Variants in NRXN1 observed in about 807,000 individuals in gnomAD.
The protein encoded by NRXN1 is neurexin-1.
In NRXN1, 39 loss-of-function variants were observed where a neutral mutation model predicts 150.9. That is an observed-to-expected ratio of 0.26 (90% CI 0.20 to 0.34). The LOEUF (loss-of-function observed/expected upper bound fraction) is 0.34. Among genes scored for constraint, NRXN1 ranks in the 10% least tolerant of loss-of-function variants. The probability of loss-of-function intolerance (pLI) is 1.00; values close to 1 mark genes in which losing one functional copy is unlikely to be tolerated. For missense variants in NRXN1, 1,815 were observed against 1,949.9 expected, an observed-to-expected ratio of 0.93 and a Z score of 1.30; for synonymous variants, 924 against 757.0, an observed-to-expected ratio of 1.22 and a Z score of -3.62.
chr2:49,971,389 T>G (rs919707914), intron 21 of NRXN1, among the ~76,000 whole-genome samples: 3 of 152,184 alleles, frequency 2.0e-5, no homozygotes, highest in Admixed American at 2.0e-4. Flanking sequence ...TATGTAAGTA[T>G]TTCCCTAGTT....
At chr2:50,818,209 T>C (rs567285246) in intron 5 of NRXN1, among the ~76,000 whole-genome samples, 1 of 150,914 alleles carries the variant, frequency 6.6e-6, no homozygotes, top group South Asian at 2.1e-4. Context: ...TTTTTATTCC[T>C]GAAAAAAAGA....
intron 12 of NRXN1, among the ~76,000 whole-genome samples, chr2:50,511,386 C>T (rs1029725884): frequency 2.0e-5 from 3 of 152,268 alleles, no homozygotes; most frequent in Admixed American, 6.5e-5. Context: ...TTATTCTGTT[C>T]ATTAGACAAT....
chr2:50,250,466 T>C (rs1035799191), intron 17 of NRXN1, among the ~76,000 whole-genome samples: 8 of 152,106 alleles, frequency 5.3e-5, no homozygotes, highest in African/African-American at 1.9e-4. Context: ...CTGATGCATT[T>C]TTAAATACCA....
intron 5 of NRXN1, among the ~76,000 whole-genome samples, chr2:50,856,132 G>T (rs1323354817): frequency 1.3e-5 from 2 of 151,592 alleles, no homozygotes; most frequent in African/African-American, 2.4e-5. Flanking sequence ...TTTTCCCTGA[G>T]GAAAGAATGG....
chr2:50,372,417 G>A (rs2080095944), intron 17 of NRXN1, among the ~76,000 whole-genome samples: 1 of 152,102 alleles, frequency 6.6e-6, no homozygotes, highest in Admixed American at 6.6e-5. Context: ...TGGCCATTCA[G>A]ACCCAACTCT....
At chr2:50,318,595 A>G (rs1208796728) in intron 17 of NRXN1, among the ~76,000 whole-genome samples, 2 of 152,096 alleles carry the variant, frequency 1.3e-5, no homozygotes, top group African/African-American at 4.8e-5. Context: ...GTAGAATGAT[A>G]CACAGTGGTA....
intron 5 of NRXN1, among the ~76,000 whole-genome samples, chr2:50,845,565 T>G (rs1212452056): frequency 6.6e-6 from 1 of 152,230 alleles, no homozygotes; most frequent in African/African-American, 2.4e-5. Context: ...ACTTGTTAAC[T>G]CTCTGTTTTT....
At chr2:50,059,742 G>T (rs1454329009) in intron 19 of NRXN1, among the ~76,000 whole-genome samples, 1 of 152,182 alleles carries the variant, frequency 6.6e-6, no homozygotes, top group Non-Finnish European at 1.5e-5. Context: ...TGGCTAAAAG[G>T]GGCAAATGTA....
chr2:50,347,518 C>T lies in NRXN1; in HGVS notation c.3365-110548G>A, dbSNP rs1041832193. ...TCCCTCCATTCAGCCCCGGCCGGCTCGCCCGCTAGCGCCAGCCTCCCCCGG... is the reference window on the plus strand; with the variant it reads ...TCCCTCCATTCAGCCCCGGCCGGCTTGCCCGCTAGCGCCAGCCTCCCCCGG... On this transcript the variant is annotated intron_variant, in intron 17 of 22. Transcript: ENST00000401669. The surrounding 1 kb of genome is among the most constrained non-coding windows in gnomAD (Gnocchi z 4.9). 1 of 1,040,300 alleles carries T rather than the reference C, an allele frequency of 9.6e-7. No individual in the cohort carries two copies. Among genetic ancestry groups the T allele is most frequent in the Non-Finnish European group, 1.2e-6 (1 of 862,550 alleles). 64.4% of individuals were successfully genotyped at this position (1,040,300 alleles called of 1,614,324 possible).
intron 15 of NRXN1, among the ~76,000 whole-genome samples, chr2:50,482,099 A>G (rs2104792787): frequency 6.6e-6 from 1 of 152,314 alleles, no homozygotes; most frequent in South Asian, 2.1e-4. Context: ...ATTTTGAAAC[A>G]AAACTGCCCC....
At chr2:50,206,124 C>G (rs183982122) in intron 18 of NRXN1, among the ~76,000 whole-genome samples, 1 of 151,850 alleles carries the variant, frequency 6.6e-6, no homozygotes, top group East Asian at 1.9e-4. Context: ...CAAAGAAATA[C>G]TAGAAAACTT....
chr2:50,351,686 C>T lies in NRXN1; in HGVS notation c.3364+113756G>A, dbSNP rs180837460. Among the ~76,000 whole-genome samples the T allele has an allele frequency of 2.0e-5, 3 of 152,178 alleles. No individual in the cohort carries two copies. In the East Asian group the frequency reaches 5.8e-4, roughly 29 times the overall value. Reference sequence around the variant, plus strand: ...TAACACTTATTTCTAGCACACTACTCTGAGTGATTTAAATGAATTAATTCA... The same window carrying T: ...TAACACTTATTTCTAGCACACTACTTTGAGTGATTTAAATGAATTAATTCA... On this transcript the variant is annotated intron_variant, in intron 17 of 22. Coordinates refer to ENST00000401669, the MANE Select transcript of NRXN1 (RefSeq NM_001330078.2).
At chr2:50,960,013 T>C (rs1692893351) in intron 2 of NRXN1, among the ~76,000 whole-genome samples, 1 of 152,014 alleles carries the variant, frequency 6.6e-6, no homozygotes, top group South Asian at 2.1e-4. Flanking sequence ...TCTCCGATGT[T>C]GAAATCATTA....
intron 5 of NRXN1, among the ~76,000 whole-genome samples, chr2:50,842,556 T>A (rs145059546): frequency 2.0e-5 from 3 of 152,170 alleles, no homozygotes; most frequent in African/African-American, 7.2e-5. Flanking sequence ...GGTGTCAGCA[T>A]TGGAAATATC....
In NRXN1 at chr2:50,125,421, T is replaced by C. The variant is rs116750217; in HGVS notation, c.3547-33927A>G. ...TTATGTGCCTTTAAGCATATAAGAT[T>C]ACACATCTGGCTTTGTACCAAAAAC... On this transcript the variant is annotated intron_variant, in intron 18 of 22. Transcript: ENST00000401669. Among the ~76,000 whole-genome samples, 90 of 152,220 alleles carry C rather than the reference T, an allele frequency of 5.9e-4. 1 individual carries two copies. Among genetic ancestry groups the C allele is most frequent in the Admixed American group, 9.8e-4 (15 of 15,268 alleles).
At chr2:50,894,741 T>C (rs1198740469) in intron 5 of NRXN1, among the ~76,000 whole-genome samples, 2 of 152,142 alleles carry the variant, frequency 1.3e-5, no homozygotes, top group Admixed American at 6.5e-5. Flanking sequence ...AAAAAGTATA[T>C]GTTATATTAC....
intron 22 of NRXN1, among the ~76,000 whole-genome samples, chr2:49,940,312 C>T (rs1448989974): frequency 6.6e-6 from 1 of 152,100 alleles, no homozygotes; most frequent in African/African-American, 2.4e-5. Context: ...TTATAAAAAG[C>T]CAGTATCCCA....
At chr2:50,445,081 G>A (rs2104478843) in intron 17 of NRXN1, among the ~76,000 whole-genome samples, 1 of 152,186 alleles carries the variant, frequency 6.6e-6, no homozygotes, top group East Asian at 1.9e-4. Context: ...TTTGCCTCTG[G>A]AAGCATTCCA....
intron 5 of NRXN1, among the ~76,000 whole-genome samples, chr2:50,705,369 T>C (rs554144093): frequency 2.0e-5 from 3 of 152,144 alleles, no homozygotes; most frequent in Non-Finnish European, 4.4e-5. Context: ...ATGGTATCAA[T>C]AATTATGTTA....
Sources: gnomAD v4.1 joint callset for allele counts (sites outside exome capture counted in the v4.1 genomes callset) on GRCh38, gnomAD v4.1.1 for gene constraint, Gnocchi (gnomAD v3.1) non-coding constraint, MANE v1.5 for transcripts, NCBI Gene and HGNC (gene_info 2026-07-23, HGNC 2026-07-21) for gene names.